Variants in CEP170B observed in about 807,000 individuals in gnomAD.
CEP170B encodes centrosomal protein 170B.
In CEP170B, 55 loss-of-function variants were observed where a neutral mutation model predicts 120.6. The observed-to-expected ratio is 0.46, with a 90% CI of 0.37 to 0.57. CEP170B has a LOEUF of 0.57. CEP170B is among the 20% of genes least tolerant of loss of function. The pLI is 0.00. For synonymous variants in CEP170B, 1,033 were observed against 954.5 expected (o/e 1.08, Z -1.52); for missense variants, 2,212 against 2,253.3 (o/e 0.98, Z 0.37).
Position 104,895,066 on chromosome 14 carries a change from A to G in CEP170B, c.*108A>G, listed in dbSNP as rs1897019935. Reference sequence around the variant, plus strand: ...GGTGGTTCTCCCTGAAGACCCCCACATGTGCCATATCCCTGTGGGCGGGTG... The same window carrying G: ...GGTGGTTCTCCCTGAAGACCCCCACGTGTGCCATATCCCTGTGGGCGGGTG... On this transcript the variant is annotated 3_prime_UTR_variant, in exon 19 of 19. Transcript: ENST00000414716. 4.7e-6 allele frequency: 6 copies of G among 1,274,162 alleles called. No homozygotes were observed. Among genetic ancestry groups the G allele is most frequent in the Non-Finnish European group, 4.2e-6 (4 of 945,748 alleles). The allele number at this position is 1,274,162 out of a possible 1,614,324, so 78.9% of individuals were successfully genotyped here.
At position 104,893,831 on chromosome 14, in the gene CEP170B, A is replaced by G; in HGVS notation, c.4253A>G (p.His1418Arg). Residue 1418 changes from histidine to arginine, a missense_variant, in exon 16 of 19, where the codon CAC (histidine) becomes CGC (arginine). His to Arg is a conservative substitution (Grantham distance 29, BLOSUM62 0). Coordinates refer to ENST00000414716, the MANE Select transcript of CEP170B (RefSeq NM_001112726.3). Reference sequence around the variant, plus strand: ...CAGGCCATCCGTGAGAACACAGAGCACCTTGCCGAGAAGATGAAGTGAGTC... The same window carrying G: ...CAGGCCATCCGTGAGAACACAGAGCGCCTTGCCGAGAAGATGAAGTGAGTC... ...LSQAIRENTE[H>R]LAEKMKILFQ... The G allele has an allele frequency of 6.2e-7, 1 of 1,612,378 alleles. No individual in the cohort carries two copies. Among genetic ancestry groups the G allele is most frequent in the Non-Finnish European group, 8.5e-7 (1 of 1,179,614 alleles).
rs1896951699 is a variant in CEP170B at position 104,893,586 on chromosome 14, T to C, written c.4102T>C (p.Ser1368Pro). 1 of 1,603,818 alleles carries C rather than the reference T, an allele frequency of 6.2e-7. No individual in the cohort carries two copies. Among genetic ancestry groups the C allele is most frequent in the Non-Finnish European group, 8.5e-7 (1 of 1,176,450 alleles). Reference sequence around the variant, plus strand: ...GAAGGTGCCGCCCGGCTCGCTGAACTCTCGGGACTTTGACCAGAACATGAA... The same window carrying C: ...GAAGGTGCCGCCCGGCTCGCTGAACCCTCGGGACTTTGACCAGAACATGAA... ...FQKVPPGSLN[S>P]RDFDQNMNDS... The change falls in exon 15 of 19, where the codon TCT becomes CCT. Residue 1368 changes from serine (S) to proline (P), a missense_variant. This residue lies in a region of CEP170B where 2,166 missense variants were observed against 2,166.7 expected (regional missense o/e 1.00). Coordinates refer to ENST00000414716, the MANE Select transcript of CEP170B (RefSeq NM_001112726.3).
rs759820810 is a variant in CEP170B at position 104,886,066 on chromosome 14, G to C, written c.1971G>C (p.Gly657=). 5.2e-6 allele frequency: 8 copies of C among 1,545,002 alleles called. No homozygotes were observed. In the South Asian group the frequency reaches 8.4e-5, roughly 16 times the overall value. Residue 657 remains glycine (G), a synonymous_variant, in exon 11 of 19, where the codon GGG becomes GGC. Transcript: ENST00000414716. The part of the protein sequence containing the change: ...HQGLPVPGSP[G]GQKWVSRWAS... ...GCCTCCCGGTGCCGGGCTCCCCTGG[G>C]GGTCAGAAGTGGGTGTCCCGCTGGG... is the stretch of plus-strand genomic sequence containing the variant.
chr14:104,874,474 G>A (rs1449896349), intron 2 of CEP170B, among the ~76,000 whole-genome samples: 1 of 152,120 alleles, frequency 6.6e-6, no homozygotes, highest in Non-Finnish European at 1.5e-5. Context: ...GGGCATGTGG[G>A]GCAGGAGGAG....
Position 104,874,566 on chromosome 14 carries a change from C to A in CEP170B, c.106-1690C>A, listed in dbSNP as rs778053535. 7.2e-5 allele frequency among the ~76,000 whole-genome samples: 11 copies of A among 152,116 alleles called. No individual in the cohort carries two copies. In the South Asian group the frequency reaches 8.3e-4, roughly 11 times the overall value. On this transcript the variant is annotated intron_variant, in intron 2 of 18. Coordinates refer to ENST00000414716, the MANE Select transcript of CEP170B (RefSeq NM_001112726.3). Reference sequence around the variant, plus strand: ...TGGCTGCACCCAGGACCCTACTCTCCCCTTTAAACCTCCCTGGCACCCCTG... The same window carrying A: ...TGGCTGCACCCAGGACCCTACTCTCACCTTTAAACCTCCCTGGCACCCCTG...
intron 11 of CEP170B, 44 bp downstream of exon 11, chr14:104,886,174 C>T (rs767385509): frequency 1.3e-5 from 19 of 1,490,338 alleles, no homozygotes; most frequent in African/African-American, 5.6e-5. Flanking sequence ...CAGGCCGGGG[C>T]GGGCCTCAGG....
intron 13 of CEP170B, among the ~76,000 whole-genome samples, chr14:104,890,292 G>T (rs1896753375): frequency 6.9e-6 from 1 of 145,154 alleles, no homozygotes; most frequent in African/African-American, 2.6e-5. Context: ...GTGAGTGGGT[G>T]GATGGATGGA....
At position 104,886,891 on chromosome 14, in the gene CEP170B, C is replaced by T. The variant is rs199813535; in HGVS notation, c.2652C>T (p.Pro884=). The change falls in exon 12 of 19, where the codon CCC becomes CCT. Residue 884 remains proline, a synonymous_variant. Coordinates refer to ENST00000414716, the MANE Select transcript of CEP170B (RefSeq NM_001112726.3). ...ASGPPAPGKP[P]HISSHPLLQD... The stretch of plus-strand genomic sequence containing the variant: ...GTCCCCCAGCGCCCGGCAAGCCCCC[C>T]CACATCTCCAGCCACCCGCTTCTAC... 5.0e-6 allele frequency: 8 copies of T among 1,610,414 alleles called. No homozygotes were observed. In the African/African-American group the frequency reaches 8.0e-5, roughly 16 times the overall value.
chr14:104,872,290 G>A (rs1221397128), intron 2 of CEP170B, among the ~76,000 whole-genome samples: 1 of 132,304 alleles, frequency 7.6e-6, no homozygotes, highest in Non-Finnish European at 1.6e-5. Flanking sequence ...TGTGTGCCGC[G>A]TGTGTGTGCC....
chr14:104,870,109 C>T lies in CEP170B; in HGVS notation c.105+1554C>T, dbSNP rs1566850256. 6.6e-6 allele frequency among the ~76,000 whole-genome samples: 1 copy of T among 151,822 alleles called. No homozygotes were observed. The highest frequency in any genetic ancestry group is 1.9e-4 in the East Asian group (1 of 5,162). ...GGCAGGAGTCGGCAAATGTTTTCTA[C>T]AAGGGCCTGGTAAAGATTTTAGGTT... On this transcript the variant is annotated intron_variant, in intron 2 of 18. Coordinates refer to ENST00000414716, the MANE Select transcript of CEP170B (RefSeq NM_001112726.3). The surrounding 1 kb of genome is among the most constrained non-coding windows in gnomAD (Gnocchi z 4.1).
Position 104,868,610 on chromosome 14 carries a change from T to C in CEP170B, c.105+55T>C, listed in dbSNP as rs2140614842. ...GTAGGGGGTAGACAGTCTGTCCCTG[T>C]GGAGGCCAGGAAGGTGCCCACCCCA... On this transcript the variant is annotated intron_variant, in intron 2 of 18. Coordinates refer to ENST00000414716, the MANE Select transcript of CEP170B (RefSeq NM_001112726.3). The surrounding 1 kb of genome is among the most constrained non-coding windows in gnomAD (Gnocchi z 5.9). 6.7e-7 allele frequency: 1 copy of C among 1,493,426 alleles called. No individual in the cohort carries two copies. The highest frequency in any genetic ancestry group is 1.4e-5 in the African/African-American group (1 of 72,062). The allele number at this position is 1,493,426 out of a possible 1,614,324, so 92.5% of individuals were successfully genotyped here.
intron 13 of CEP170B, among the ~76,000 whole-genome samples, chr14:104,890,552 AGGTG>A (rs1399537651): frequency 2.0e-4 from 2 of 10,164 alleles, no homozygotes; most frequent in African/African-American, 4.1e-4. Flanking sequence ...ATGGGTGAGT[AGGTG>A]GGTGGGTGGG....
rs1444034552 is a variant in CEP170B at position 104,896,389 on chromosome 14, A to T, written c.*1431A>T. The T allele has an allele frequency of 2.8e-6, 1 of 354,698 alleles. No individual in the cohort carries two copies. Among genetic ancestry groups the T allele is most frequent in the Non-Finnish European group, 5.6e-6 (1 of 178,646 alleles). 22.0% of individuals were successfully genotyped at this position (354,698 alleles called of 1,614,324 possible). A position where few individuals can be genotyped will look rare whatever the true frequency, so the allele number is the denominator to read the frequency against. On this transcript the variant is annotated 3_prime_UTR_variant, in exon 19 of 19. Transcript: ENST00000414716. The stretch of plus-strand genomic sequence containing the variant: ...CCCGCCCCAAGAGCCTGCTGTCTGT[A>T]TGGAGGAGGTGCTAGCCCGGTCCAC...
In CEP170B at chr14:104,896,445, T is replaced by G; in HGVS notation, c.*1487T>G. 1.8e-5 allele frequency: 7 copies of G among 384,240 alleles called. No individual in the cohort carries two copies. The highest frequency in any genetic ancestry group is 3.2e-5 in the Non-Finnish European group (6 of 189,938). 23.8% of individuals were successfully genotyped at this position (384,240 alleles called of 1,614,324 possible). The stretch of plus-strand genomic sequence containing the variant: ...TGCTGCCCACCCCTGCATGCCCCAG[T>G]TGCCCACCCCGCCTGCCCCTGGACA... On this transcript the variant is annotated 3_prime_UTR_variant, in exon 19 of 19. Coordinates refer to ENST00000414716, the MANE Select transcript of CEP170B (RefSeq NM_001112726.3).
intron 13 of CEP170B, among the ~76,000 whole-genome samples, chr14:104,890,586 A>ATGGG (rs1566873373): frequency 3.3e-5 from 3 of 91,310 alleles, no homozygotes; most frequent in Admixed American, 1.1e-4. Context: ...GGATGGATGG[A>ATGGG]TGGGTGAGTG....
intron 3 of CEP170B, among the ~76,000 whole-genome samples, chr14:104,877,509 C>T (rs1895918378): frequency 1.3e-5 from 2 of 152,234 alleles, no homozygotes; most frequent in African/African-American, 4.8e-5. Flanking sequence ...AGGCCTGCCT[C>T]GACTGTTCCC....
Position 104,887,873 on chromosome 14 carries a change from G to A in CEP170B, c.3634G>A (p.Ala1212Thr), listed in dbSNP as rs1209355454. 1 of 1,570,574 alleles carries A rather than the reference G, an allele frequency of 6.4e-7. No homozygotes were observed. Among genetic ancestry groups the A allele is most frequent in the South Asian group, 1.2e-5 (1 of 86,434 alleles). ...LCCASRKPTM[A>T]EARAVSRKAA... ...CTGTGCCAGCCGCAAGCCCACCATG[G>A]CCGAAGCACGGGCTGTCTCCAGGAA... Residue 1212 changes from alanine to threonine, a missense_variant, in exon 12 of 19, where the codon GCC becomes ACC. By Grantham distance (58) the Ala-to-Thr change is moderately conservative. Transcript: ENST00000414716.
chr14:104,893,683 C>T lies in CEP170B; in HGVS notation c.4182+17C>T, dbSNP rs888263073. On this transcript the variant is annotated intron_variant, in intron 15 of 18. Transcript: ENST00000414716. ...CGAGAGGAGGCACGGTGCCCACTAC[C>T]GCCACGGAGCTGGGTGTGGGGGGAG... 1.8e-5 allele frequency: 28 copies of T among 1,582,916 alleles called. No homozygotes were observed. The highest frequency in any genetic ancestry group is 6.7e-5 in the African/African-American group (5 of 74,206).
intron 8 of CEP170B, 45 bp downstream of exon 8, chr14:104,883,553 G>A: frequency 6.7e-7 from 1 of 1,492,414 alleles, no homozygotes; most frequent in Non-Finnish European, 9.0e-7. Flanking sequence ...GACAGGCAGG[G>A]GACCGGACTT....
Sources: gnomAD v4.1 joint callset for allele counts (sites outside exome capture counted in the v4.1 genomes callset) on GRCh38, gnomAD v4.1.1 for gene constraint, gnomAD v4.1.1 regional missense constraint, Gnocchi (gnomAD v3.1) non-coding constraint, MANE v1.5 for transcripts, NCBI Gene and HGNC (gene_info 2026-07-23, HGNC 2026-07-21) for gene names.